The following ERICH3 variants were observed in gnomAD, a reference collection of about 807,000 sequenced individuals.
The protein encoded by ERICH3 is glutamate rich 3.
A neutral mutation model predicts 131.1 loss-of-function variants in ERICH3; 126 were observed. The ratio of observed to expected loss-of-function variants is 0.96; its 90% CI spans 0.83 to 1.11. The LOEUF (loss-of-function observed/expected upper bound fraction) is 1.11. ERICH3 is among the 50% of genes most tolerant of loss of function. The pLI, the probability that ERICH3 is intolerant of heterozygous loss-of-function variation, is 0.00. For missense variants in ERICH3, 2,050 were observed against 1,810.7 expected, an observed-to-expected ratio of 1.13 and a Z score of -2.40; for synonymous variants, 695 against 644.6, an observed-to-expected ratio of 1.08 and a Z score of -1.18.
rs1284692913 is a variant in ERICH3 at position 74,636,435 on chromosome 1, C to T, written c.448G>A (p.Ala150Thr). 6.2e-7 allele frequency: 1 copy of T among 1,600,548 alleles called. No individual in the cohort carries two copies. The highest frequency in any genetic ancestry group is 8.5e-7 in the Non-Finnish European group (1 of 1,173,460). ...CCTGGAGCAGTATATGGTCGAGGGG[C>T]TGTCTAGACAATTAGGGGAAAAAAT... ...EGHSSPLALT[A>T]PRPYTAPGNM... The change falls in exon 6 of 15, where the codon GCC (alanine) becomes ACC (threonine). Residue 150 changes from alanine to threonine, a missense_variant. Coordinates refer to ENST00000326665, the MANE Select transcript of ERICH3 (RefSeq NM_001002912.5).
intron 1 of ERICH3, among the ~76,000 whole-genome samples, chr1:74,657,116 A>G (rs1212507305): frequency 2.0e-5 from 3 of 152,190 alleles, no homozygotes; most frequent in Non-Finnish European, 2.9e-5. Flanking sequence ...GCTTCTGGAC[A>G]ATAAATAGAA....
chr1:74,634,692 A>G (rs1282545371), intron 6 of ERICH3: 1 of 714,752 alleles, frequency 1.4e-6, no homozygotes, highest in East Asian at 2.7e-5. Context: ...GCACCCATCC[A>G]AGTACTATCT....
intron 2 of ERICH3, among the ~76,000 whole-genome samples, chr1:74,647,098 A>G (rs1410841625): frequency 6.6e-6 from 1 of 152,146 alleles, no homozygotes; most frequent in African/African-American, 2.4e-5. Flanking sequence ...AAAAAGGAGA[A>G]AGGCAGTCTC....
At position 74,590,007 on chromosome 1, in the gene ERICH3, C is replaced by T. The variant is rs758577242; in HGVS notation, c.1800G>A (p.Val600=). Residue 600 remains valine, a synonymous_variant, in exon 12 of 15, where the codon GTG becomes GTA. Coordinates refer to ENST00000326665, the MANE Select transcript of ERICH3 (RefSeq NM_001002912.5). The part of the protein sequence containing the change: ...YSSDSEDESA[V]GDREAHTDSS... ...TGTCAGTGTGGGCTTCCCTGTCCCC[C>T]ACTGCAGATTCATCCTCACTGTCAC... The T allele has an allele frequency of 4.3e-6, 7 of 1,613,794 alleles. No homozygotes were observed. The Admixed American group carries it at 1.2e-4, about 27-fold the overall frequency.
At chr1:74,657,974 A>G (rs1646601903) in intron 1 of ERICH3, among the ~76,000 whole-genome samples, 1 of 152,150 alleles carries the variant, frequency 6.6e-6, no homozygotes, top group Non-Finnish European at 1.5e-5. Flanking sequence ...GAAACTAAGA[A>G]TTTTTATCAC....
chr1:74,584,957 T>C (rs1343732874), intron 12 of ERICH3, among the ~76,000 whole-genome samples: 1 of 152,182 alleles, frequency 6.6e-6, no homozygotes, highest in African/African-American at 2.4e-5. Flanking sequence ...GATGACAAAA[T>C]TGCATTTCAT....
intron 5 of ERICH3, among the ~76,000 whole-genome samples, chr1:74,639,727 A>G (rs757096081): frequency 6.6e-6 from 1 of 152,152 alleles, no homozygotes; most frequent in Non-Finnish European, 1.5e-5. Flanking sequence ...AAATCTGTAT[A>G]CTATTTTGAA....
chr1:74,579,304 T>C (rs796392273), intron 12 of ERICH3: 2 of 717,000 alleles, frequency 2.8e-6, no homozygotes. Flanking sequence ...ATATAGTCTA[T>C]AATATTAATA....
chr1:74,649,892 T>G (rs1331345558), intron 1 of ERICH3, among the ~76,000 whole-genome samples: 1 of 152,098 alleles, frequency 6.6e-6, no homozygotes, highest in East Asian at 1.9e-4. Context: ...CGTGCTGTGT[T>G]GCCTTCCACT....
chr1:74,649,151 A>C, intron 2 of ERICH3, 71 bp downstream of exon 2: 1 of 1,049,548 alleles, frequency 9.5e-7, no homozygotes, highest in East Asian at 2.5e-5. Flanking sequence ...TCAAAGAGAA[A>C]GCCTGAAAAG....
In ERICH3 at chr1:74,643,012, T is replaced by C. The variant is rs368502135; in HGVS notation, c.315+15A>G. 17 of 1,569,684 alleles carry C rather than the reference T, an allele frequency of 1.1e-5. No homozygotes were observed. In the African/African-American group the frequency reaches 2.3e-4, roughly 21 times the overall value. ...ATAATACTATGAAGTAAAAGAGAGT[T>C]ATATAACTCCTTACCTTAAACCTCT... On this transcript the variant is annotated intron_variant, in intron 4 of 14. Coordinates refer to ENST00000326665, the MANE Select transcript of ERICH3 (RefSeq NM_001002912.5).
At chr1:74,663,086 AC>A (rs1646657837) in intron 1 of ERICH3, among the ~76,000 whole-genome samples, 1 of 152,230 alleles carries the variant, frequency 6.6e-6, no homozygotes, top group Non-Finnish European at 1.5e-5. Context: ...TCTCCAATTA[AC>A]CCAACTCTGC....
At chr1:74,656,974 TG>T in intron 1 of ERICH3, among the ~76,000 whole-genome samples, 1 of 152,316 alleles carries the variant, frequency 6.6e-6, no homozygotes, top group Middle Eastern at 3.4e-3. Flanking sequence ...CACAGTAAAC[TG>T]TCACAAACCC....
At chr1:74,629,109 A>C (rs1264852180) in intron 7 of ERICH3, among the ~76,000 whole-genome samples, 1 of 152,170 alleles carries the variant, frequency 6.6e-6, no homozygotes, top group Non-Finnish European at 1.5e-5. Flanking sequence ...CGACGGAGTT[A>C]AAATCATACA....
intron 8 of ERICH3, among the ~76,000 whole-genome samples, chr1:74,613,770 C>G (rs938193317): frequency 6.6e-6 from 1 of 152,142 alleles, no homozygotes; most frequent in Non-Finnish European, 1.5e-5. Context: ...TCCCCACAGA[C>G]GTCCTAAACC....
intron 1 of ERICH3, among the ~76,000 whole-genome samples, chr1:74,662,140 C>T (rs1482406672): frequency 6.6e-6 from 1 of 152,156 alleles, no homozygotes; most frequent in East Asian, 1.9e-4. Flanking sequence ...TTGATTTTTG[C>T]TCCATGCTCT....
intron 12 of ERICH3, chr1:74,586,503 T>C (rs1417184056): frequency 1.2e-5 from 12 of 983,954 alleles, no homozygotes; most frequent in Non-Finnish European, 1.4e-5. Context: ...CTCTGTTCTG[T>C]AATGTTTAAA....
chr1:74,643,682 T>C (rs1048309800), intron 3 of ERICH3, among the ~76,000 whole-genome samples: 2 of 152,144 alleles, frequency 1.3e-5, no homozygotes, highest in Non-Finnish European at 2.9e-5. Flanking sequence ...ACATTATTTC[T>C]TCTTGAACAA....
intron 12 of ERICH3, chr1:74,586,580 C>T (rs1033251766): frequency 1.3e-6 from 1 of 757,114 alleles, no homozygotes; most frequent in Non-Finnish European, 1.6e-6. Context: ...AACTTTTGAA[C>T]AAAAATTATA....
Sources: allele counts gnomAD v4.1 joint callset (sites outside exome capture counted in the v4.1 genomes callset), GRCh38; gene constraint gnomAD v4.1.1; transcripts MANE v1.5; gene names NCBI Gene and HGNC (gene_info 2026-07-23, HGNC 2026-07-21).